The following ZNF385D variants were observed in gnomAD, a reference collection of about 807,000 sequenced individuals.
ZNF385D encodes zinc finger protein 385D.
ZNF385D carries 15 observed loss-of-function variants against 35.8 expected under a neutral mutation model. The observed-to-expected ratio is 0.42, with a 90% confidence interval of 0.28 to 0.64. The LOEUF (loss-of-function observed/expected upper bound fraction) is 0.64. Ranked by LOEUF, ZNF385D falls within the 30% of genes least tolerant of loss-of-function variation. The pLI is 0.23. For synonymous variants in ZNF385D, 212 were observed against 186.8 expected (o/e 1.13, Z -1.10); for missense variants, 474 against 494.6 (o/e 0.96, Z 0.39).
At chr3:21,458,397 G>A (rs1027151800) in intron 4 of ZNF385D, among the ~76,000 whole-genome samples, 14 of 151,514 alleles carry the variant, frequency 9.2e-5, no homozygotes, top group Non-Finnish European at 5.9e-5. Flanking sequence ...TAGGAGGATC[G>A]CTTGAGCCCA....
intron 4 of ZNF385D, among the ~76,000 whole-genome samples, chr3:21,485,265 A>T (rs1356734353): frequency 6.6e-6 from 1 of 152,180 alleles, no homozygotes; most frequent in Non-Finnish European, 1.5e-5. Context: ...TTCTAAAAAA[A>T]TGCTTATCCT....
intron 2 of ZNF385D, among the ~76,000 whole-genome samples, chr3:21,565,913 C>CATTA (rs1270995345): frequency 3.9e-5 from 6 of 152,240 alleles, no homozygotes; most frequent in African/African-American, 1.4e-4. Flanking sequence ...TATTATAGTT[C>CATTA]ATTAATTCCC....
chr3:21,993,601 G>C (rs1187823153), intron 3 of ZNF385D, among the ~76,000 whole-genome samples: 11 of 152,064 alleles, frequency 7.2e-5, no homozygotes. Context: ...AGGTACTTTG[G>C]AACATTTTTA....
intron 2 of ZNF385D, among the ~76,000 whole-genome samples, chr3:22,250,662 G>T (rs910398808): frequency 6.6e-6 from 1 of 151,990 alleles, no homozygotes; most frequent in Non-Finnish European, 1.5e-5. Context: ...CAAAGCACAG[G>T]GTCCTTCAAG....
At chr3:21,603,148 T>C (rs888525934) in intron 2 of ZNF385D, among the ~76,000 whole-genome samples, 1 of 152,166 alleles carries the variant, frequency 6.6e-6, no homozygotes, top group Non-Finnish European at 1.5e-5. Flanking sequence ...CCAAGCCATA[T>C]AGGAGACAAG....
chr3:21,909,393 G>C (rs1228516899), intron 3 of ZNF385D, among the ~76,000 whole-genome samples: 2 of 151,978 alleles, frequency 1.3e-5, no homozygotes, highest in East Asian at 3.9e-4. Flanking sequence ...TGTCAGGGTG[G>C]GAACCAAGAG....
In ZNF385D at chr3:21,412,830, C is replaced by G. The variant is rs1208647451; in HGVS notation, c.*8384G>C. ...AGTACAGGACCACAGACAAGATAAA[C>G]TGTGCTATATTTTACATTTCTGAGT... is the stretch of plus-strand genomic sequence containing the variant. On this transcript the variant is annotated 3_prime_UTR_variant, in exon 8 of 8. Coordinates refer to ENST00000281523, the MANE Select transcript of ZNF385D (RefSeq NM_024697.3). 6.6e-6 allele frequency: 1 copy of G among 151,984 alleles called. No homozygotes were observed. Among genetic ancestry groups the G allele is most frequent in the East Asian group, 1.9e-4 (1 of 5,186 alleles). The allele number at this position is 151,984 out of a possible 1,614,324, so 9.4% of individuals were successfully genotyped here. A position where few individuals can be genotyped will look rare whatever the true frequency, so the allele number is the denominator to read the frequency against.
At chr3:21,473,734 C>T (rs1275888668) in intron 4 of ZNF385D, among the ~76,000 whole-genome samples, 1 of 151,956 alleles carries the variant, frequency 6.6e-6, no homozygotes, top group Non-Finnish European at 1.5e-5. Context: ...ATACTTTCTC[C>T]CTTGAATGGG....
At chr3:21,570,746 A>G (rs555878244) in intron 2 of ZNF385D, among the ~76,000 whole-genome samples, 15 of 152,210 alleles carry the variant, frequency 9.9e-5, no homozygotes, top group African/African-American at 3.6e-4. Flanking sequence ...TTGCTAACAC[A>G]AGCCTCCCAC....
At chr3:22,256,308 G>A (rs1244415751) in intron 2 of ZNF385D, among the ~76,000 whole-genome samples, 1 of 150,938 alleles carries the variant, frequency 6.6e-6, no homozygotes, top group Non-Finnish European at 1.5e-5. Flanking sequence ...ATCTATAAGG[G>A]TACTTACGTA....
intron 3 of ZNF385D, among the ~76,000 whole-genome samples, chr3:22,069,568 G>A (rs1221361404): frequency 1.3e-5 from 2 of 152,136 alleles, no homozygotes; most frequent in Non-Finnish European, 2.9e-5. Context: ...CAAAAGGATG[G>A]CATAAGTATA....
At chr3:22,040,856 T>G (rs1698623086) in intron 3 of ZNF385D, among the ~76,000 whole-genome samples, 1 of 152,200 alleles carries the variant, frequency 6.6e-6, no homozygotes, top group Non-Finnish European at 1.5e-5. Context: ...ATGCTATGTT[T>G]GCAATGGTCA....
In ZNF385D at chr3:21,964,444, A is replaced by G. The variant is rs531236389; in HGVS notation, c.325+204373T>C. 7.9e-3 allele frequency among the ~76,000 whole-genome samples: 1,147 copies of G among 145,416 alleles called. 47 individuals are homozygous for G. Among genetic ancestry groups the G allele is most frequent in the African/African-American group, 0.026 (1,049 of 40,008 alleles). ...AAAAAAAAAAAAAAGAAAAAAAAAA[A>G]AAGAAAAAGATGTCCAATTTCTCAG... On this transcript the variant is annotated intron_variant, in intron 3 of 5. Transcript: ENST00000494108.
chr3:21,793,164 TGAG>T (rs779924218), intron 3 of ZNF385D, among the ~76,000 whole-genome samples: 2 of 152,216 alleles, frequency 1.3e-5, no homozygotes, highest in Non-Finnish European at 2.9e-5. Context: ...GAATGTCAAA[TGAG>T]GAGTTGAAAG....
At chr3:21,899,217 C>CA (rs113571952) in intron 3 of ZNF385D, among the ~76,000 whole-genome samples, 2,444 of 152,048 alleles carry the variant, frequency 0.016, 67 homozygotes, top group African/African-American at 0.056. Context: ...TGCCCTATGA[C>CA]AAAAAATTAT....
intron 2 of ZNF385D, among the ~76,000 whole-genome samples, chr3:22,306,233 A>G (rs1221460015): frequency 6.6e-6 from 1 of 152,126 alleles, no homozygotes; most frequent in Non-Finnish European, 1.5e-5. Flanking sequence ...CAGCGGTGTC[A>G]GGGAGAAGCC....
At chr3:22,321,814 C>T (rs1319940820) in intron 2 of ZNF385D, among the ~76,000 whole-genome samples, 1 of 152,018 alleles carries the variant, frequency 6.6e-6, no homozygotes, top group East Asian at 1.9e-4. Flanking sequence ...CTTTTCCTTA[C>T]TAAATAGGCA....
chr3:21,710,371 G>T (rs4611842), intron 1 of ZNF385D, among the ~76,000 whole-genome samples: 26,350 of 152,148 alleles, frequency 0.17, 2,747 homozygotes, highest in Admixed American at 0.3. Flanking sequence ...CTGGGGTAGG[G>T]TGATATGGTT....
At chr3:21,452,845 T>C (rs549840731) in intron 4 of ZNF385D, among the ~76,000 whole-genome samples, 5 of 151,866 alleles carry the variant, frequency 3.3e-5, no homozygotes, top group Non-Finnish European at 7.4e-5. Flanking sequence ...TTAATACAAA[T>C]AACTAAGCTG....
Sources: allele counts gnomAD v4.1 joint callset (sites outside exome capture counted in the v4.1 genomes callset), GRCh38; gene constraint gnomAD v4.1.1; transcripts MANE v1.5; gene names NCBI Gene and HGNC (gene_info 2026-07-23, HGNC 2026-07-21).